Variants in TIAM2 observed in about 807,000 individuals in gnomAD.
TIAM2 encodes TIAM Rac1 associated GEF 2.
TIAM2 carries 80 observed loss-of-function variants against 152.9 expected under a neutral mutation model. The observed-to-expected ratio is 0.52, with a 90% CI of 0.44 to 0.63. The LOEUF (loss-of-function observed/expected upper bound fraction) is 0.63. Among genes scored for constraint, TIAM2 ranks in the 30% least tolerant of loss-of-function variants. TIAM2 has a pLI of 0.00. For synonymous variants in TIAM2, 804 were observed against 838.0 expected, an observed-to-expected ratio of 0.96 and a Z score of 0.70; for missense variants, 1,965 against 2,120.1, an observed-to-expected ratio of 0.93 and a Z score of 1.44.
At chr6:155,168,098 G>A (rs1247111295) in intron 9 of TIAM2, among the ~76,000 whole-genome samples, 1 of 152,124 alleles carries the variant, frequency 6.6e-6, no homozygotes, top group Non-Finnish European at 1.5e-5. Flanking sequence ...AGTTGATTTA[G>A]TAGGTATTTC....
intron 1 of TIAM2, among the ~76,000 whole-genome samples, chr6:155,008,518 A>G (rs1778434336): frequency 6.6e-6 from 1 of 152,152 alleles, no homozygotes; most frequent in Non-Finnish European, 1.5e-5. Context: ...TCCATTTAGT[A>G]ATATTGCCAA....
At chr6:155,183,626 G>T in intron 14 of TIAM2, 126 bp downstream of exon 14, 1 of 1,096,138 alleles carries the variant, frequency 9.1e-7, no homozygotes. Context: ...TTTATTAGAA[G>T]AACACAGATG....
chr6:155,116,666 G>A (rs55967512), intron 2 of TIAM2, among the ~76,000 whole-genome samples: 11,110 of 152,182 alleles, frequency 0.073, 527 homozygotes, highest in East Asian at 0.23. Context: ...TTACATCCAT[G>A]CAGGTTTCCA....
At chr6:155,071,632 C>T (rs1164491327) in intron 1 of TIAM2, among the ~76,000 whole-genome samples, 3 of 152,108 alleles carry the variant, frequency 2.0e-5, no homozygotes, top group East Asian at 1.9e-4. Context: ...TGGCCGGGCG[C>T]GGTGGCTCAC....
chr6:155,190,158 T>C (rs941354984), intron 14 of TIAM2, among the ~76,000 whole-genome samples: 1 of 152,242 alleles, frequency 6.6e-6, no homozygotes. Flanking sequence ...CTATAAAATA[T>C]AGAGAACTTG....
chr6:155,012,494 T>C (rs1455782810), intron 1 of TIAM2, among the ~76,000 whole-genome samples: 1 of 152,200 alleles, frequency 6.6e-6, no homozygotes, highest in Non-Finnish European at 1.5e-5. Context: ...AGATATAGGG[T>C]ATCTTACAGA....
At chr6:155,042,536 G>T (rs773093454) in intron 1 of TIAM2, among the ~76,000 whole-genome samples, 4 of 152,222 alleles carry the variant, frequency 2.6e-5, no homozygotes, top group Non-Finnish European at 5.9e-5. Flanking sequence ...GGCGGAGGTT[G>T]CTGTGAGCTG....
At chr6:155,013,274 A>C (rs937367794) in intron 1 of TIAM2, among the ~76,000 whole-genome samples, 1 of 152,102 alleles carries the variant, frequency 6.6e-6, no homozygotes, top group Non-Finnish European at 1.5e-5. Context: ...CAGGTCAGAA[A>C]ATCTCTGTCT....
chr6:155,098,377 C>T (rs116112649), intron 2 of TIAM2, among the ~76,000 whole-genome samples: 2,513 of 152,140 alleles, frequency 0.017, 76 homozygotes, highest in African/African-American at 0.057. Context: ...CAGTTTTTAT[C>T]GCATGGATCT....
At chr6:155,046,840 CA>C (rs1160765195) in intron 1 of TIAM2, among the ~76,000 whole-genome samples, 1 of 152,200 alleles carries the variant, frequency 6.6e-6, no homozygotes, top group African/African-American at 2.4e-5. Flanking sequence ...CCAGACTTGC[CA>C]CTGCCTCTTG....
intron 2 of TIAM2, among the ~76,000 whole-genome samples, chr6:155,115,847 G>C (rs777895037): frequency 3.3e-4 from 50 of 152,180 alleles, no homozygotes; most frequent in Non-Finnish European, 4.6e-4. Context: ...GGTCAGGCGT[G>C]GTGGCTCACG....
chr6:155,164,646 G>A (rs746750443), intron 8 of TIAM2, 46 bp downstream of exon 8: 4 of 1,566,006 alleles, frequency 2.6e-6, no homozygotes, highest in Non-Finnish European at 3.5e-6. Context: ...GGGGAGGGCT[G>A]CGGATGCTCC....
intron 1 of TIAM2, among the ~76,000 whole-genome samples, chr6:155,035,191 G>GGT (rs76057671): frequency 2.0e-5 from 3 of 149,912 alleles, no homozygotes; most frequent in African/African-American, 4.9e-5. Flanking sequence ...TTGTTTTGCT[G>GGT]TTTTTTTTAT....
At chr6:155,168,801 T>C (rs1780504571) in intron 9 of TIAM2, 1 of 1,487,580 alleles carries the variant, frequency 6.7e-7, no homozygotes, top group Non-Finnish European at 9.0e-7. Flanking sequence ...CAGATGAATA[T>C]TACAGGGCCA....
In TIAM2 at chr6:155,164,613, G is replaced by A; in HGVS notation, c.2214+13G>A. 1 of 1,598,934 alleles carries A rather than the reference G, an allele frequency of 6.3e-7. No homozygotes were observed. Reference sequence around the variant, plus strand: ...TTTCCATGCTCTGGTAAGTTCCTGAGGAAGGCTGTTTCTGCAGCATTCGGG... The same window carrying A: ...TTTCCATGCTCTGGTAAGTTCCTGAAGAAGGCTGTTTCTGCAGCATTCGGG... On this transcript the variant is annotated intron_variant, in intron 8 of 26. Transcript: ENST00000682666.
chr6:155,106,456 T>C, intron 2 of TIAM2, among the ~76,000 whole-genome samples: 1 of 152,200 alleles, frequency 6.6e-6, no homozygotes. Context: ...TAACAAGGAC[T>C]TCCAATGTAC....
chr6:155,057,463 A>G (rs560846347), intron 1 of TIAM2, among the ~76,000 whole-genome samples: 2 of 150,684 alleles, frequency 1.3e-5, no homozygotes, highest in East Asian at 3.9e-4. Context: ...GTTGATGTTA[A>G]TCTTGATCAT....
At chr6:155,209,203 C>T (rs117760182) in intron 14 of TIAM2, among the ~76,000 whole-genome samples, 2 of 152,046 alleles carry the variant, frequency 1.3e-5, no homozygotes, top group South Asian at 2.1e-4. Flanking sequence ...CCAACTGCCT[C>T]TCCCCAGATT....
intron 2 of TIAM2, among the ~76,000 whole-genome samples, chr6:155,099,216 A>ATG (rs879598664): frequency 0.055 from 3,500 of 63,092 alleles, 56 homozygotes; most frequent in Admixed American, 0.1. Flanking sequence ...ATGTGTATAT[A>ATG]TATATGTGTG....
Sources: gnomAD v4.1 joint callset for allele counts (sites outside exome capture counted in the v4.1 genomes callset) on GRCh38, gnomAD v4.1.1 for gene constraint, MANE v1.5 for transcripts, NCBI Gene and HGNC (gene_info 2026-07-23, HGNC 2026-07-21) for gene names.